NEK1: variants seen among roughly 807,000 people sequenced by gnomAD.
NEK1 encodes the protein NIMA related kinase 1, also known as serine/threonine-protein kinase Nek1.
NEK1 carries 137 observed loss-of-function variants against 182.1 expected under a neutral mutation model. The observed-to-expected ratio is 0.75, with a 90% CI of 0.65 to 0.87. The LOEUF (loss-of-function observed/expected upper bound fraction) is 0.87. Ranked by LOEUF, NEK1 falls within the 40% of genes least tolerant of loss-of-function variation. The pLI is 0.00. For missense variants in NEK1, 1,391 were observed against 1,494.4 expected (o/e 0.93, Z 1.14); for synonymous variants, 513 against 492.2 (o/e 1.04, Z -0.56).
chr4:169,433,872 C>T (rs1737887459), intron 28 of NEK1, among the ~76,000 whole-genome samples: 1 of 152,096 alleles, frequency 6.6e-6, no homozygotes. Flanking sequence ...ACTTCTTTTG[C>T]CTTTTACTGT....
chr4:169,610,950 T>A (rs1226766780), intron 2 of NEK1, among the ~76,000 whole-genome samples: 1 of 152,248 alleles, frequency 6.6e-6, no homozygotes, highest in African/African-American at 2.4e-5. Context: ...AAAAAAGTTC[T>A]TTATCTTCCT....
chr4:169,552,996 C>A (rs1226063608), intron 18 of NEK1, among the ~76,000 whole-genome samples: 1 of 152,082 alleles, frequency 6.6e-6, no homozygotes, highest in Non-Finnish European at 1.5e-5. Context: ...TCAGTTCTTC[C>A]CAAGCTGATC....
At chr4:169,555,619 G>A (rs1762050603) in intron 18 of NEK1, 101 bp downstream of exon 18, 9 of 1,490,242 alleles carry the variant, frequency 6.0e-6, no homozygotes, top group South Asian at 1.1e-5. Context: ...CATCATATGT[G>A]AACAATGGAG....
intron 19 of NEK1, among the ~76,000 whole-genome samples, chr4:169,531,490 T>G (rs905876862): frequency 2.0e-5 from 3 of 151,054 alleles, no homozygotes; most frequent in African/African-American, 7.3e-5. Flanking sequence ...ATATATTATG[T>G]ATACATATAT....
intron 26 of NEK1, among the ~76,000 whole-genome samples, chr4:169,465,556 T>C (rs938792932): frequency 1.3e-5 from 2 of 152,038 alleles, no homozygotes; most frequent in African/African-American, 4.8e-5. Context: ...ACATAATGTA[T>C]AAAGAAATTT....
chr4:169,472,651 G>A (rs1746218906), intron 26 of NEK1, among the ~76,000 whole-genome samples: 1 of 152,106 alleles, frequency 6.6e-6, no homozygotes, highest in Non-Finnish European at 1.5e-5. Flanking sequence ...TTTCACAATG[G>A]CAATGGTCTA....
intron 18 of NEK1, among the ~76,000 whole-genome samples, chr4:169,544,824 C>T (rs13147180): frequency 0.99 from 149,552 of 151,398 alleles, 73,884 homozygotes; most frequent in East Asian, 1. Flanking sequence ...GGATCAATGG[C>T]GATACCCCCT....
At chr4:169,432,076 G>A (rs1215809876) in intron 29 of NEK1, among the ~76,000 whole-genome samples, 1 of 151,576 alleles carries the variant, frequency 6.6e-6, no homozygotes, top group African/African-American at 2.4e-5. Context: ...AAAAAAGGGG[G>A]GGACCAAAGA....
chr4:169,590,771 T>C lies in NEK1; in HGVS notation c.351A>G (p.Lys117=). ...GAAGAATTTTTCTATCATGTACATG[T>C]TTCAGGGCCAAACATATCTGTACAA... ...DWFVQICLAL[K]HVHDRKILHR... The change falls in exon 6 of 36, where the codon AAA becomes AAG. Residue 117 remains lysine, a synonymous_variant. Coordinates refer to ENST00000507142, the MANE Select transcript of NEK1 (RefSeq NM_001199397.3). 6.3e-7 allele frequency: 1 copy of C among 1,599,998 alleles called. No individual in the cohort carries two copies. Among genetic ancestry groups the C allele is most frequent in the East Asian group, 2.2e-5 (1 of 44,574 alleles).
At chr4:169,468,597 T>C (rs1172321830) in intron 26 of NEK1, among the ~76,000 whole-genome samples, 2 of 152,182 alleles carry the variant, frequency 1.3e-5, no homozygotes, top group African/African-American at 4.8e-5. Flanking sequence ...GACAAACCAA[T>C]TGATGGTTTT....
chr4:169,586,118 A>C (rs911688823), intron 9 of NEK1, among the ~76,000 whole-genome samples: 6 of 152,148 alleles, frequency 3.9e-5, no homozygotes, highest in Non-Finnish European at 8.8e-5. Flanking sequence ...AGAATTAAAC[A>C]CAATATAAAC....
intron 31 of NEK1, among the ~76,000 whole-genome samples, chr4:169,410,734 C>T (rs1325911444): frequency 2.0e-5 from 3 of 152,208 alleles, no homozygotes; most frequent in Non-Finnish European, 4.4e-5. Flanking sequence ...GGTACATGTG[C>T]TATTTATGTG....
At chr4:169,424,964 T>G (rs1195186169) in intron 30 of NEK1, among the ~76,000 whole-genome samples, 164 bp from the exon 31 acceptor site, 1 of 152,226 alleles carries the variant, frequency 6.6e-6, no homozygotes, top group African/African-American at 2.4e-5. Context: ...TGAATAATCT[T>G]TAATAGGATA....
At chr4:169,571,502 G>T (rs1240626570) in intron 12 of NEK1, among the ~76,000 whole-genome samples, 2 of 152,168 alleles carry the variant, frequency 1.3e-5, no homozygotes, top group African/African-American at 4.8e-5. Flanking sequence ...GTTATTACTT[G>T]ATATAGTGTG....
chr4:169,457,696 G>A (rs913094340), intron 27 of NEK1, among the ~76,000 whole-genome samples: 1 of 140,530 alleles, frequency 7.1e-6, no homozygotes, highest in Admixed American at 7.2e-5. Context: ...GAGAAAGAAG[G>A]GGGGAGGGGA....
intron 19 of NEK1, among the ~76,000 whole-genome samples, chr4:169,532,020 T>G (rs1364869485): frequency 6.6e-6 from 1 of 152,132 alleles, no homozygotes; most frequent in East Asian, 1.9e-4. Flanking sequence ...ATTCATAATT[T>G]TATATTAAAT....
At chr4:169,590,469 T>G (rs1677527057) in intron 6 of NEK1, among the ~76,000 whole-genome samples, 2 of 152,130 alleles carry the variant, frequency 1.3e-5, no homozygotes, top group Non-Finnish European at 2.9e-5. Flanking sequence ...GGGAACTCAC[T>G]GCTAATGGGT....
intron 26 of NEK1, among the ~76,000 whole-genome samples, chr4:169,467,503 A>G (rs1455398972): frequency 6.6e-6 from 1 of 152,176 alleles, no homozygotes. Flanking sequence ...GTAAAATGGA[A>G]TAATAAAAAA....
intron 31 of NEK1, among the ~76,000 whole-genome samples, chr4:169,411,458 C>G (rs1043449973): frequency 3.3e-5 from 5 of 152,078 alleles, no homozygotes; most frequent in Admixed American, 6.5e-5. Context: ...TCCAGAGTAG[C>G]TGGGATTACA....
Sources: gnomAD v4.1 joint callset for allele counts (sites outside exome capture counted in the v4.1 genomes callset) on GRCh38, gnomAD v4.1.1 for gene constraint, MANE v1.5 for transcripts, NCBI Gene and HGNC (gene_info 2026-07-23, HGNC 2026-07-21) for gene names.